Variants in USP9X observed in about 807,000 individuals in gnomAD.
The protein encoded by USP9X is ubiquitin specific peptidase 9 X-linked.
A neutral mutation model predicts 190.3 loss-of-function variants in USP9X; 7 were observed. The ratio of observed to expected loss-of-function variants is 0.04; its 90% CI spans 0.02 to 0.07. The LOEUF is 0.07. Ranked by LOEUF, USP9X falls within the 10% of genes least tolerant of loss-of-function variation. The probability of loss-of-function intolerance (pLI) is 1.00; values close to 1 mark genes in which losing one functional copy is unlikely to be tolerated. For missense variants in USP9X, 1,010 were observed against 1,916.9 expected (o/e 0.53, Z 8.83); for synonymous variants, 645 against 659.5 (o/e 0.98, Z 0.34).
At chrX:41,196,485 T>TGTA in intron 27 of USP9X, 107 bp from the exon 28 acceptor site, 1 of 1,077,529 alleles carries the variant, frequency 9.3e-7, no homozygotes. Context: ...AGTACTACTT[T>TGTA]ATTTCCCGCA....
At chrX:41,154,840 A>G (rs967680153) in intron 14 of USP9X, among the ~76,000 whole-genome samples, 12 of 111,182 alleles carry the variant, frequency 1.1e-4, no homozygotes, top group Non-Finnish European at 2.3e-4. Context: ...TTCTTCTTCC[A>G]ATTTATTACA....
In USP9X at chrX:41,126,990, C is replaced by T. The variant is rs776214925; in HGVS notation, c.97-2010C>T. On this transcript the variant is annotated intron_variant, in intron 2 of 44. Coordinates refer to ENST00000378308, the MANE Select transcript of USP9X (RefSeq NM_001039591.3). ...AAATGAAACAGCCTTGGCAGAGACA[C>T]CGTGGGATGAACACTCTTGGATGTG... Among the ~76,000 whole-genome samples the T allele has an allele frequency of 3.6e-5, 4 of 110,923 alleles. No individual in the cohort carries two copies. The East Asian group carries it at 1.1e-3, about 31-fold the overall frequency.
At chrX:41,183,695 T>G (rs762617597) in intron 21 of USP9X, among the ~76,000 whole-genome samples, 1 of 112,122 alleles carries the variant, frequency 8.9e-6, no homozygotes, top group East Asian at 2.8e-4. Context: ...TACTTCCTTT[T>G]GAAATGTATT....
intron 41 of USP9X, 76 bp downstream of exon 41, chrX:41,225,213 CA>C: frequency 2.0e-6 from 2 of 978,576 alleles, no homozygotes; most frequent in Non-Finnish European, 1.4e-6. Flanking sequence ...ACAGTCACCA[CA>C]TTTTTTTTAA....
At chrX:41,166,471 A>G (rs1284871574) in intron 16 of USP9X, among the ~76,000 whole-genome samples, 1 of 111,550 alleles carries the variant, frequency 9.0e-6, no homozygotes, top group African/African-American at 3.3e-5. Flanking sequence ...TGCACTAAAC[A>G]TACAAATCTT....
intron 1 of USP9X, among the ~76,000 whole-genome samples, chrX:41,103,693 C>T (rs756013812): frequency 2.9e-4 from 32 of 111,879 alleles, no homozygotes; most frequent in Admixed American, 1.9e-4. Flanking sequence ...ATTTAAGCAA[C>T]ATTAAAATAG....
intron 12 of USP9X, 103 bp from the exon 13 acceptor site, chrX:41,150,818 A>G (rs1445167103): frequency 2.4e-6 from 2 of 836,642 alleles, no homozygotes; most frequent in East Asian, 3.7e-5. Flanking sequence ...TTGTATTGCT[A>G]ATCTTAAAAG....
intron 44 of USP9X, among the ~76,000 whole-genome samples, 168 bp from the exon 45 acceptor site, chrX:41,232,219 T>TATTTTG (rs371139478): frequency 9.7e-6 from 1 of 103,029 alleles, no homozygotes; most frequent in African/African-American, 3.6e-5. Context: ...TTTCAAGCCT[T>TATTTTG]TTTTTGTTTT....
At chrX:41,148,629 T>A (rs890591603) in intron 12 of USP9X, 54 bp downstream of exon 12, 2 of 1,100,685 alleles carry the variant, frequency 1.8e-6, no homozygotes, top group East Asian at 6.0e-5. Flanking sequence ...TCAGTTAGGT[T>A]GGCTTAGTTA....
chrX:41,169,724 G>A (rs1264377273), intron 18 of USP9X, among the ~76,000 whole-genome samples: 1 of 111,648 alleles, frequency 9.0e-6, no homozygotes, highest in Non-Finnish European at 1.9e-5. Context: ...CCAAAGTGCT[G>A]GGATTATAGG....
chrX:41,123,375 C>T, intron 1 of USP9X, 96 bp from the exon 2 acceptor site: 2 of 324,142 alleles, frequency 6.2e-6, no homozygotes, highest in Non-Finnish European at 5.4e-6. Flanking sequence ...CCCCTTTTTC[C>T]TGATTAGATT....
intron 26 of USP9X, among the ~76,000 whole-genome samples, chrX:41,192,933 TGAA>T (rs754940276): frequency 1.3e-3 from 150 of 111,886 alleles, no homozygotes; most frequent in African/African-American, 4.7e-3. Flanking sequence ...ATAGGGTAGT[TGAA>T]GAAGACTTCA....
At position 41,122,645 on chromosome X, in the gene USP9X, A is replaced by G. The variant is rs2062200532; in HGVS notation, c.-158-826A>G. ...GCCCTGCTGTCCCAGCATAAGTGTT[A>G]AACAGCTCAGAGAAGAGTCAGTGTG... On this transcript the variant is annotated intron_variant, in intron 1 of 44. Transcript: ENST00000378308. Among the ~76,000 whole-genome samples, 5 of 112,098 alleles carry G rather than the reference A, an allele frequency of 4.5e-5. No homozygotes were observed. The South Asian group carries it at 1.8e-3, about 41-fold the overall frequency.
chrX:41,214,360 G>A (rs765586057), intron 33 of USP9X, among the ~76,000 whole-genome samples: 32 of 111,034 alleles, frequency 2.9e-4, no homozygotes, highest in African/African-American at 9.8e-4. Flanking sequence ...TGACTTACGG[G>A]TTTCGCATTA....
intron 21 of USP9X, among the ~76,000 whole-genome samples, chrX:41,178,835 T>C (rs1488447932): frequency 8.9e-6 from 1 of 112,367 alleles, no homozygotes; most frequent in Non-Finnish European, 1.9e-5. Flanking sequence ...AGTAGTTTTA[T>C]AGTTTCTGGT....
chrX:41,115,348 A>T (rs2062140959), intron 1 of USP9X, among the ~76,000 whole-genome samples: 1 of 111,862 alleles, frequency 8.9e-6, no homozygotes. Context: ...AAATATTTTA[A>T]TGGAAAAACA....
intron 1 of USP9X, among the ~76,000 whole-genome samples, chrX:41,103,910 C>T (rs892129616): frequency 9.0e-6 from 1 of 111,568 alleles, no homozygotes; most frequent in Admixed American, 9.6e-5. Context: ...TTCATTTGTT[C>T]ATTCTTTCAC....
intron 1 of USP9X, among the ~76,000 whole-genome samples, chrX:41,111,247 C>T (rs2062106442): frequency 8.9e-6 from 1 of 111,741 alleles, no homozygotes; most frequent in Non-Finnish European, 1.9e-5. Flanking sequence ...GGAGTTCCCT[C>T]ACTCTTTCTG....
intron 21 of USP9X, among the ~76,000 whole-genome samples, chrX:41,173,684 T>C (rs144736092): frequency 8.9e-6 from 1 of 112,180 alleles, no homozygotes; most frequent in Non-Finnish European, 1.9e-5. Flanking sequence ...CAAAAAGATA[T>C]AGTTCAAACT....
Sources: gnomAD v4.1 joint callset for allele counts (sites outside exome capture counted in the v4.1 genomes callset) on GRCh38, gnomAD v4.1.1 for gene constraint, MANE v1.5 for transcripts, NCBI Gene and HGNC (gene_info 2026-07-23, HGNC 2026-07-21) for gene names.